Variants in SENP5 observed in about 807,000 individuals in gnomAD.
SENP5 encodes the protein SUMO specific peptidase 5, also known as sentrin-specific protease 5.
SENP5 carries 21 observed loss-of-function variants against 74.2 expected under a neutral mutation model. That is an observed-to-expected ratio of 0.28 (90% CI 0.20 to 0.41). The LOEUF is 0.41. Among genes scored for constraint, SENP5 ranks in the 10% least tolerant of loss-of-function variants. The pLI, the probability that SENP5 is intolerant of heterozygous loss-of-function variation, is 1.00. For synonymous variants in SENP5, 311 were observed against 312.7 expected (o/e 0.99, Z 0.06); for missense variants, 717 against 889.1 (o/e 0.81, Z 2.46).
intron 6 of SENP5, among the ~76,000 whole-genome samples, chr3:196,920,455 A>G (rs1164417243): frequency 6.6e-6 from 1 of 152,162 alleles, no homozygotes; most frequent in Non-Finnish European, 1.5e-5. Flanking sequence ...TATTCTGTGA[A>G]ATTTTCATAG....
Position 196,889,193 on chromosome 3 carries a change from T to TA in SENP5, c.1513+2510dup, listed in dbSNP as rs1220011582. Among the ~76,000 whole-genome samples the TA allele has an allele frequency of 4.9e-3, 710 of 145,010 alleles. 7 individuals are homozygous for TA. Among genetic ancestry groups the TA allele is most frequent in the African/African-American group, 0.015 (593 of 39,740 alleles). On this transcript the variant is annotated intron_variant, in intron 2 of 9. Coordinates refer to ENST00000323460, the MANE Select transcript of SENP5 (RefSeq NM_152699.5). ...CACAAAGTACAGAGTCCTAGCAAAT[T>TA]AAAAAAAAAAACAACACCAAAAAAC...
chr3:196,883,803 C>T (rs1713830063), intron 1 of SENP5, among the ~76,000 whole-genome samples: 1 of 152,192 alleles, frequency 6.6e-6, no homozygotes, highest in Non-Finnish European at 1.5e-5. Context: ...ATTCTTCTGC[C>T]TCAGCCTCCC....
At chr3:196,906,589 A>G (rs1284215515) in intron 6 of SENP5, among the ~76,000 whole-genome samples, 1 of 152,220 alleles carries the variant, frequency 6.6e-6, no homozygotes, top group Admixed American at 6.5e-5. Context: ...TCAAAGATGA[A>G]TACAAGTTAA....
At chr3:196,905,822 G>A (rs1393900408) in intron 6 of SENP5, among the ~76,000 whole-genome samples, 2 of 152,102 alleles carry the variant, frequency 1.3e-5, no homozygotes, top group Admixed American at 6.6e-5. Flanking sequence ...CTCCCTGGTG[G>A]TTGGGGGGTT....
chr3:196,882,306 G>A (rs1713761737), intron 1 of SENP5, among the ~76,000 whole-genome samples: 1 of 151,912 alleles, frequency 6.6e-6, no homozygotes, highest in Non-Finnish European at 1.5e-5. Flanking sequence ...GCATTGCTGT[G>A]CAACCATCAC....
intron 1 of SENP5, among the ~76,000 whole-genome samples, chr3:196,871,871 A>T (rs1713232806): frequency 6.6e-6 from 1 of 152,092 alleles, no homozygotes; most frequent in East Asian, 1.9e-4. Context: ...AAAAAAAAAA[A>T]ATACAGTCAA....
At chr3:196,888,258 T>C (rs940155853) in intron 2 of SENP5, among the ~76,000 whole-genome samples, 1 of 152,134 alleles carries the variant, frequency 6.6e-6, no homozygotes, top group Non-Finnish European at 1.5e-5. Flanking sequence ...AGAATATAGA[T>C]CTATATTTTG....
At chr3:196,882,951 C>G (rs1402975158) in intron 1 of SENP5, among the ~76,000 whole-genome samples, 1 of 143,118 alleles carries the variant, frequency 7.0e-6, no homozygotes, top group African/African-American at 2.6e-5. Context: ...TTTTGGTGGA[C>G]TAGTTATAGT....
At position 196,885,385 on chromosome 3, in the gene SENP5, A is replaced by G. The variant is rs373542194; in HGVS notation, c.204A>G (p.Lys68=). 7 of 1,614,210 alleles carry G rather than the reference A, an allele frequency of 4.3e-6. No homozygotes were observed. The highest frequency in any genetic ancestry group is 1.1e-5 in the South Asian group (1 of 91,090). Residue 68 remains lysine (K), a synonymous_variant, in exon 2 of 10, where the codon AAA becomes AAG. Coordinates refer to ENST00000323460, the MANE Select transcript of SENP5 (RefSeq NM_152699.5). ...QGRKKALQIQ[K]TWIKDEPLCA... ...GAAAGAAAGCTCTTCAAATCCAGAAAACGTGGATCAAGGATGAACCCCTTT... is the reference window on the plus strand; with the variant it reads ...GAAAGAAAGCTCTTCAAATCCAGAAGACGTGGATCAAGGATGAACCCCTTT...
rs769681969 is a variant in SENP5, at chr3:196,885,136, T to G, written c.-31-15T>G. The G allele has an allele frequency of 7.0e-7, 1 of 1,437,776 alleles. No homozygotes were observed. Among genetic ancestry groups the G allele is most frequent in the South Asian group, 1.3e-5 (1 of 77,672 alleles). The allele number at this position is 1,437,776 out of a possible 1,614,324, so 89.1% of individuals were successfully genotyped here. On this transcript the variant is annotated splice_polypyrimidine_tract_variant and intron_variant, in intron 1 of 9. Coordinates refer to ENST00000323460, the MANE Select transcript of SENP5 (RefSeq NM_152699.5). Reference sequence around the variant, plus strand: ...ATTTTTAGATAGAAATATAACTTACTTCTCTTCTTTACAGCTGCATCCAGA... The same window carrying G: ...ATTTTTAGATAGAAATATAACTTACGTCTCTTCTTTACAGCTGCATCCAGA...
chr3:196,868,895 A>ATTTGTTTTTTT (rs1713073335), intron 1 of SENP5, among the ~76,000 whole-genome samples: 1 of 19,690 alleles, frequency 5.1e-5, no homozygotes, highest in African/African-American at 3.1e-4. Context: ...TTTTTTTTGC[A>ATTTGTTTTTTT]TTTTGCCCGG....
At position 196,886,082 on chromosome 3, in the gene SENP5, T is replaced by A; in HGVS notation, c.901T>A (p.Cys301Ser). The stretch of plus-strand genomic sequence containing the variant: ...TTCCCCAGAACCTAAAGACCCTTCT[T>A]GTCGGCATCAGCCGTACTTTCCAGA... Reference protein sequence around the residue: ...FPSPEPKDPSCRHQPYFPDMD... With the variant: ...FPSPEPKDPSSRHQPYFPDMD... Residue 301 changes from cysteine to serine, a missense_variant, in exon 2 of 10, where the codon TGT becomes AGT. Cys to Ser is a moderately radical substitution (Grantham distance 112, BLOSUM62 -1). This residue lies in a region of SENP5 where 567 missense variants were observed against 577.4 expected (regional missense o/e 0.98). Coordinates refer to ENST00000323460, the MANE Select transcript of SENP5 (RefSeq NM_152699.5). 1 of 1,614,228 alleles carries A rather than the reference T, an allele frequency of 6.2e-7. No individual in the cohort carries two copies. Among genetic ancestry groups the A allele is most frequent in the Non-Finnish European group, 8.5e-7 (1 of 1,180,030 alleles).
chr3:196,891,915 G>A (rs1179582034), intron 2 of SENP5, among the ~76,000 whole-genome samples: 3 of 151,646 alleles, frequency 2.0e-5, no homozygotes, highest in Non-Finnish European at 4.4e-5. Flanking sequence ...CTCAGCCTCC[G>A]GAGTAGCTGG....
chr3:196,886,932 T>C (rs545434612), intron 2 of SENP5, among the ~76,000 whole-genome samples: 12 of 152,328 alleles, frequency 7.9e-5, no homozygotes, highest in Admixed American at 3.9e-4. Flanking sequence ...ATTATGTCTT[T>C]ACATTTATAC....
chr3:196,905,982 G>T (rs917413718), intron 6 of SENP5, among the ~76,000 whole-genome samples: 1 of 152,212 alleles, frequency 6.6e-6, no homozygotes, highest in African/African-American at 2.4e-5. Flanking sequence ...CACTTTGGAA[G>T]TCTGAGGCAG....
intron 1 of SENP5, among the ~76,000 whole-genome samples, chr3:196,879,877 G>GA (rs1234587444): frequency 3.9e-5 from 6 of 152,074 alleles, no homozygotes; most frequent in East Asian, 1.9e-4. Context: ...CAAATTTACC[G>GA]AAAAAAATTG....
Position 196,931,358 on chromosome 3 carries a change from G to A in SENP5, c.*435G>A, listed in dbSNP as rs1013691000. 6.1e-6 allele frequency: 1 copy of A among 164,672 alleles called. No homozygotes were observed. Among genetic ancestry groups the A allele is most frequent in the African/African-American group, 2.4e-5 (1 of 41,476 alleles). 10.2% of individuals were successfully genotyped at this position (164,672 alleles called of 1,614,324 possible). A position where few individuals can be genotyped will look rare whatever the true frequency, so the allele number is the denominator to read the frequency against. ...CTCTGAGAATAGTAAGTGTTCCCTG[G>A]GGCATTAAGGGTAGCTGGGGGTGGT... On this transcript the variant is annotated 3_prime_UTR_variant, in exon 10 of 10. Transcript: ENST00000323460.
chr3:196,898,430 TAAA>T (rs763683738), intron 2 of SENP5, among the ~76,000 whole-genome samples: 12 of 144,576 alleles, frequency 8.3e-5, no homozygotes, highest in African/African-American at 3.0e-4. Flanking sequence ...ACCCTCATCT[TAAA>T]AAAAAAAAAT....
chr3:196,911,343 A>C (rs1225896614), intron 6 of SENP5, among the ~76,000 whole-genome samples: 1 of 152,208 alleles, frequency 6.6e-6, no homozygotes, highest in Non-Finnish European at 1.5e-5. Context: ...AGAATCTACA[A>C]GGAACTTAAG....
Sources: allele counts gnomAD v4.1 joint callset (sites outside exome capture counted in the v4.1 genomes callset), GRCh38; gene constraint gnomAD v4.1.1; regional missense constraint gnomAD v4.1.1; transcripts MANE v1.5; gene names NCBI Gene and HGNC (gene_info 2026-07-23, HGNC 2026-07-21).